The following CIB4 variants were observed in gnomAD, a reference collection of about 807,000 sequenced individuals.
The protein encoded by CIB4 is calcium and integrin binding family member 4.
Under a neutral mutation model 25.8 loss-of-function variants are expected in CIB4, and 25 were observed. The observed-to-expected ratio is 0.97, with a 90% CI of 0.71 to 1.35. The LOEUF is 1.35. Ranked by LOEUF, CIB4 falls within the 40% of genes most tolerant of loss-of-function variation. The pLI is 0.00. For missense variants in CIB4, 235 were observed against 228.2 expected, an observed-to-expected ratio of 1.03 and a Z score of -0.19; for synonymous variants, 75 against 81.4, an observed-to-expected ratio of 0.92 and a Z score of 0.42.
At chr2:26,610,234 G>A (rs1241462652) in intron 3 of CIB4, among the ~76,000 whole-genome samples, 1 of 117,332 alleles carries the variant, frequency 8.5e-6, no homozygotes, top group Non-Finnish European at 2.1e-5. Context: ...GTAGATCTTT[G>A]CATCAAGATA....
At chr2:26,618,730 C>T (rs983950192) in intron 3 of CIB4, among the ~76,000 whole-genome samples, 13 of 152,200 alleles carry the variant, frequency 8.5e-5, no homozygotes, top group African/African-American at 2.9e-4. Context: ...CTGGTCCTAG[C>T]CTGACCGCAG....
intron 3 of CIB4, among the ~76,000 whole-genome samples, chr2:26,610,170 G>C (rs1359656833): frequency 6.6e-6 from 1 of 152,208 alleles, no homozygotes; most frequent in East Asian, 1.9e-4. Context: ...GCTGTTTGGG[G>C]ACACCCAGCA....
At chr2:26,629,058 T>A (rs147445827) in intron 3 of CIB4, among the ~76,000 whole-genome samples, 1 of 152,132 alleles carries the variant, frequency 6.6e-6, no homozygotes, top group Non-Finnish European at 1.5e-5. Flanking sequence ...CCTCGGAGGC[T>A]GAGCAGCAGG....
At chr2:26,624,368 G>A (rs1252263153) in intron 3 of CIB4, among the ~76,000 whole-genome samples, 1 of 152,132 alleles carries the variant, frequency 6.6e-6, no homozygotes, top group Non-Finnish European at 1.5e-5. Context: ...GCTCATTTTG[G>A]GAAGCAAGGC....
chr2:26,581,378 G>A lies in CIB4; in HGVS notation c.543C>T (p.His181=), dbSNP rs558617808. 6 of 1,613,778 alleles carry A rather than the reference G, an allele frequency of 3.7e-6. No individual in the cohort carries two copies. The African/African-American group carries it at 5.3e-5, about 14-fold the overall frequency. Residue 181 remains histidine, a synonymous_variant, in exon 7 of 7, where the codon CAC becomes CAT. Coordinates refer to ENST00000288861, the MANE Select transcript of CIB4 (RefSeq NM_001029881.3). ...TGCCGCTACATCAGCATCCCCAGAA[G>A]TGAATCCGAAAGGAGCTGAAAGAAA... is the stretch of plus-strand genomic sequence containing the variant. The part of the protein sequence containing the change: ...SPDFMNSFRI[H]FWGC
chr2:26,624,977 G>T (rs1278041885), intron 3 of CIB4, among the ~76,000 whole-genome samples: 2 of 152,046 alleles, frequency 1.3e-5, no homozygotes, highest in African/African-American at 4.8e-5. Context: ...CATTCTCCAC[G>T]ATGTGCTTAT....
intron 2 of CIB4, among the ~76,000 whole-genome samples, chr2:26,631,206 G>A (rs190894620): frequency 3.0e-4 from 46 of 152,272 alleles, no homozygotes; most frequent in South Asian, 8.3e-4. Flanking sequence ...CGGGTGCGGC[G>A]GCTCATACCA....
At chr2:26,623,833 G>T (rs74563357) in intron 3 of CIB4, among the ~76,000 whole-genome samples, 1,815 of 152,296 alleles carry the variant, frequency 0.012, 19 homozygotes, top group Non-Finnish European at 0.018. Flanking sequence ...GCCATCCCCA[G>T]TGGATGCAAC....
intron 3 of CIB4, among the ~76,000 whole-genome samples, chr2:26,601,217 C>CAAAAAAA (rs142951418): frequency 1.1e-3 from 26 of 23,682 alleles, no homozygotes; most frequent in African/African-American, 2.1e-3. Flanking sequence ...GAGACCATGT[C>CAAAAAAA]AAAAAAAAAA....
At chr2:26,588,981 C>CTTT (rs1350252286) in intron 4 of CIB4, among the ~76,000 whole-genome samples, 1 of 13,912 alleles carries the variant, frequency 7.2e-5, no homozygotes, top group African/African-American at 2.8e-4. Context: ...CTTCTTCTTT[C>CTTT]TTCTTCTTCT....
intron 2 of CIB4, among the ~76,000 whole-genome samples, chr2:26,632,964 T>C (rs1356561255): frequency 6.6e-6 from 1 of 152,156 alleles, no homozygotes; most frequent in South Asian, 2.1e-4. Flanking sequence ...ACAAGTGAGC[T>C]CGGGCTCCTG....
chr2:26,613,581 G>A (rs770082527), intron 3 of CIB4, among the ~76,000 whole-genome samples: 10 of 152,256 alleles, frequency 6.6e-5, no homozygotes, highest in East Asian at 1.9e-4. Context: ...TCCAGTCTTC[G>A]TAAAAACCCT....
At chr2:26,630,052 G>A (rs1285361330) in intron 2 of CIB4, among the ~76,000 whole-genome samples, 1 of 152,194 alleles carries the variant, frequency 6.6e-6, no homozygotes, top group African/African-American at 2.4e-5. Context: ...AGCAAACTTG[G>A]TTGCAGCAGA....
At chr2:26,621,892 G>A (rs1384896031) in intron 3 of CIB4, among the ~76,000 whole-genome samples, 1 of 152,212 alleles carries the variant, frequency 6.6e-6, no homozygotes, top group Non-Finnish European at 1.5e-5. Context: ...AATGCCTTTG[G>A]AGAAGACTTA....
At chr2:26,583,727 TG>T in intron 5 of CIB4, 61 bp downstream of exon 5, 1 of 1,116,952 alleles carries the variant, frequency 9.0e-7, no homozygotes, top group Non-Finnish European at 1.4e-6. Flanking sequence ...CCGGGGGCTT[TG>T]GGTGACAACC....
intron 2 of CIB4, among the ~76,000 whole-genome samples, chr2:26,630,934 C>T (rs1220974587): frequency 6.6e-6 from 1 of 152,072 alleles, no homozygotes; most frequent in Non-Finnish European, 1.5e-5. Context: ...AGCCCACCAC[C>T]CTGACCCAGA....
At chr2:26,583,926 A>G in intron 4 of CIB4, 28 bp from the exon 5 acceptor site, 1 of 1,440,834 alleles carries the variant, frequency 6.9e-7, no homozygotes, top group Non-Finnish European at 9.8e-7. Context: ...GGCCTGCATT[A>G]GACGGAGCTG....
chr2:26,588,994 T>TTCTTCTTCC (rs1558554530), intron 4 of CIB4, among the ~76,000 whole-genome samples: 4 of 8,224 alleles, frequency 4.9e-4, no homozygotes, highest in Admixed American at 1.3e-3. Flanking sequence ...CTTCTTCTTC[T>TTCTTCTTCC]TCTTCTTCTT....
intron 3 of CIB4, among the ~76,000 whole-genome samples, chr2:26,596,746 TA>T (rs11286952): frequency 0.95 from 136,263 of 143,516 alleles, 64,837 homozygotes; most frequent in East Asian, 0.99. Flanking sequence ...AAACTGCATC[TA>T]AAAAAAAAAA....
Sources: gnomAD v4.1 joint callset for allele counts (sites outside exome capture counted in the v4.1 genomes callset) on GRCh38, gnomAD v4.1.1 for gene constraint, MANE v1.5 for transcripts, NCBI Gene and HGNC (gene_info 2026-07-23, HGNC 2026-07-21) for gene names.